AKAP7: variants seen among roughly 807,000 people sequenced by gnomAD.
AKAP7 encodes A-kinase anchoring protein 7, also known as A kinase (PRKA) anchor protein 7.
AKAP7 carries 39 observed loss-of-function variants against 39.5 expected under a neutral mutation model. The observed-to-expected ratio is 0.99, with a 90% CI of 0.76 to 1.29. AKAP7 has a LOEUF of 1.29. Ranked by LOEUF, AKAP7 falls within the 50% of genes most tolerant of loss-of-function variation. The pLI is 0.00. For synonymous variants in AKAP7, 140 were observed against 139.1 expected (o/e 1.01, Z -0.05); for missense variants, 414 against 407.7 (o/e 1.02, Z -0.13).
intron 7 of AKAP7, among the ~76,000 whole-genome samples, chr6:131,247,245 G>C (rs1334376958): frequency 8.2e-6 from 1 of 121,350 alleles, no homozygotes; most frequent in Non-Finnish European, 1.6e-5. Flanking sequence ...AGAATATCTT[G>C]ATAGTTAATG....
chr6:131,141,600 G>A (rs530693288), intron 1 of AKAP7, among the ~76,000 whole-genome samples: 2 of 152,316 alleles, frequency 1.3e-5, no homozygotes, highest in East Asian at 1.9e-4. Flanking sequence ...ATGGGCAGGG[G>A]TTAGAAGAGT....
At chr6:131,150,923 T>C (rs1801859863) in intron 2 of AKAP7, among the ~76,000 whole-genome samples, 1 of 152,252 alleles carries the variant, frequency 6.6e-6, no homozygotes, top group Non-Finnish European at 1.5e-5. Context: ...TTTTCTTACA[T>C]ATATTTGCTA....
In AKAP7 at chr6:131,282,163, A is replaced by G. The variant is rs1189824963; in HGVS notation, c.*437A>G. 4.1e-6 allele frequency: 5 copies of G among 1,225,982 alleles called. No individual in the cohort carries two copies. Among genetic ancestry groups the G allele is most frequent in the Non-Finnish European group, 5.1e-6 (5 of 984,012 alleles). 75.9% of individuals were successfully genotyped at this position (1,225,982 alleles called of 1,614,324 possible). ...TAAGTTTAAAATAATCACTGTTGGAATTGTCATCTGTACAATTAGTCCATA... is the reference window on the plus strand; with the variant it reads ...TAAGTTTAAAATAATCACTGTTGGAGTTGTCATCTGTACAATTAGTCCATA... On this transcript the variant is annotated 3_prime_UTR_variant, in exon 8 of 8. Transcript: ENST00000431975.
chr6:131,179,035 A>G lies in AKAP7; in HGVS notation c.589+9762A>G, dbSNP rs527708705. 1.5e-3 allele frequency among the ~76,000 whole-genome samples: 232 copies of G among 152,122 alleles called. 1 individual carries two copies. The highest frequency in any genetic ancestry group is 2.8e-3 in the Non-Finnish European group (192 of 67,982). Reference sequence around the variant, plus strand: ...TAGACCTTTTCATTCTTAGGATCTCAAATGTCACCACTTCAGAGAGTCCCT... The same window carrying G: ...TAGACCTTTTCATTCTTAGGATCTCGAATGTCACCACTTCAGAGAGTCCCT... On this transcript the variant is annotated intron_variant, in intron 5 of 7. Coordinates refer to ENST00000431975, the MANE Select transcript of AKAP7 (RefSeq NM_016377.4).
At chr6:131,140,752 T>A (rs1800963635) in intron 1 of AKAP7, among the ~76,000 whole-genome samples, 1 of 152,234 alleles carries the variant, frequency 6.6e-6, no homozygotes, top group African/African-American at 2.4e-5. Context: ...GCTTTTCAAG[T>A]GTAACATACA....
intron 1 of AKAP7, among the ~76,000 whole-genome samples, chr6:131,136,266 A>C (rs1800531408): frequency 6.6e-6 from 1 of 152,184 alleles, no homozygotes; most frequent in Non-Finnish European, 1.5e-5. Flanking sequence ...CGCCAAGTCT[A>C]CACTAGCGCC....
At chr6:131,279,163 G>A (rs1285567186) in intron 7 of AKAP7, among the ~76,000 whole-genome samples, 1 of 152,214 alleles carries the variant, frequency 6.6e-6, no homozygotes, top group Admixed American at 6.5e-5. Flanking sequence ...GGGGGTTAAT[G>A]AGGGAAAGGA....
At chr6:131,168,835 T>G (rs982963731) in intron 4 of AKAP7, among the ~76,000 whole-genome samples, 2 of 152,216 alleles carry the variant, frequency 1.3e-5, no homozygotes, top group African/African-American at 4.8e-5. Flanking sequence ...AATATTTCAC[T>G]TGGTTAAAAA....
intron 6 of AKAP7, among the ~76,000 whole-genome samples, chr6:131,208,530 G>A (rs1808338322): frequency 6.6e-6 from 1 of 152,204 alleles, no homozygotes; most frequent in South Asian, 2.1e-4. Context: ...CTTCAAAGTG[G>A]AATGGAGATT....
At chr6:131,246,347 C>T (rs539340041) in intron 7 of AKAP7, among the ~76,000 whole-genome samples, 4 of 152,080 alleles carry the variant, frequency 2.6e-5, no homozygotes, top group East Asian at 1.9e-4. Context: ...CTGTCCTAAC[C>T]GTGATTGGTC....
chr6:131,207,686 A>C (rs767591811), intron 6 of AKAP7, among the ~76,000 whole-genome samples: 1 of 151,636 alleles, frequency 6.6e-6, no homozygotes, highest in Non-Finnish European at 1.5e-5. Flanking sequence ...TGTCAATACC[A>C]AATTATGTGG....
intron 7 of AKAP7, among the ~76,000 whole-genome samples, chr6:131,245,401 C>T (rs995770213): frequency 4.0e-5 from 6 of 149,452 alleles, no homozygotes; most frequent in African/African-American, 9.8e-5. Flanking sequence ...CCCACCACCA[C>T]GCCCAGCTAC....
chr6:131,198,131 T>C (rs1366041574), intron 5 of AKAP7, among the ~76,000 whole-genome samples: 6 of 152,182 alleles, frequency 3.9e-5, no homozygotes, highest in Admixed American at 3.9e-4. Flanking sequence ...GTTCCAAGAC[T>C]CTTTTACATT....
chr6:131,135,793 G>T lies in AKAP7; in HGVS notation c.19+11G>T. 1 of 1,228,152 alleles carries T rather than the reference G, an allele frequency of 8.1e-7. No individual in the cohort carries two copies. The highest frequency in any genetic ancestry group is 1.0e-6 in the Non-Finnish European group (1 of 985,788). 76.1% of individuals were successfully genotyped at this position (1,228,152 alleles called of 1,614,324 possible). A position where few individuals can be genotyped will look rare whatever the true frequency, so the allele number is the denominator to read the frequency against. ...AGCGCCCCGAAGCGGGTGAGACCGG[G>T]CTGTCCAGCGGGCCGGGGCGGGGGC... On this transcript the variant is annotated intron_variant, in intron 1 of 7. Transcript: ENST00000431975.
intron 1 of AKAP7, among the ~76,000 whole-genome samples, chr6:131,140,787 T>G (rs538883403): frequency 6.6e-6 from 1 of 152,350 alleles, no homozygotes; most frequent in Admixed American, 6.5e-5. Flanking sequence ...CCTTTATGTG[T>G]AGCTGCATGT....
chr6:131,205,249 C>T (rs1006885803), intron 6 of AKAP7, among the ~76,000 whole-genome samples: 6 of 151,692 alleles, frequency 4.0e-5, no homozygotes, highest in Non-Finnish European at 7.4e-5. Flanking sequence ...AAGCTGTTAC[C>T]CATGTCAACT....
At chr6:131,243,589 A>G (rs776324527) in intron 7 of AKAP7, among the ~76,000 whole-genome samples, 2 of 152,172 alleles carry the variant, frequency 1.3e-5, no homozygotes, top group Non-Finnish European at 2.9e-5. Context: ...AAAAAGCTTT[A>G]ATAATAATAT....
chr6:131,165,130 A>T lies in AKAP7; in HGVS notation c.341A>T (p.Glu114Val). The change falls in exon 4 of 8, where the codon GAG becomes GTG. Residue 114 changes from glutamate (E) to valine (V), a missense_variant. Coordinates refer to ENST00000431975, the MANE Select transcript of AKAP7 (RefSeq NM_016377.4). ...ILQNAIIQQD[E>V]RLAKAMVSDG... ...CAGAATGCAATAATACAACAAGATG[A>T]GCGACTGGCCAAAGCAATGGTCAGT... 2 of 1,611,898 alleles carry T rather than the reference A, an allele frequency of 1.2e-6. 1 individual carries two copies. The highest frequency in any genetic ancestry group is 2.2e-5 in the South Asian group (2 of 90,774).
chr6:131,172,237 A>G (rs760759002), intron 5 of AKAP7, among the ~76,000 whole-genome samples: 5 of 152,246 alleles, frequency 3.3e-5, no homozygotes, highest in Admixed American at 6.5e-5. Flanking sequence ...AATTTTTAAT[A>G]ACAAGAACAG....
Sources: allele counts gnomAD v4.1 joint callset (sites outside exome capture counted in the v4.1 genomes callset), GRCh38; gene constraint gnomAD v4.1.1; transcripts MANE v1.5; gene names NCBI Gene and HGNC (gene_info 2026-07-23, HGNC 2026-07-21).